The following RASSF5 variants were observed in gnomAD, a reference collection of about 807,000 sequenced individuals.
RASSF5 encodes ras association domain-containing protein 5.
In RASSF5, 25 loss-of-function variants were observed where a neutral mutation model predicts 40.5. The observed-to-expected ratio is 0.62, with a 90% CI of 0.45 to 0.86. RASSF5 has a LOEUF of 0.86. RASSF5 is among the 40% of genes least tolerant of loss of function. The pLI is 0.00. For missense variants in RASSF5, 521 were observed against 572.8 expected (o/e 0.91, Z 0.92); for synonymous variants, 246 against 252.4 (o/e 0.97, Z 0.24).
At chr1:206,559,135 G>A (rs1394967509) in intron 2 of RASSF5, among the ~76,000 whole-genome samples, 5 of 152,220 alleles carry the variant, frequency 3.3e-5, no homozygotes, top group Non-Finnish European at 4.4e-5. Context: ...CTGGGCATCA[G>A]GATTTTGAAA....
Position 206,587,232 on chromosome 1 carries a change from T to TC in RASSF5, c.*255dup. The stretch of plus-strand genomic sequence containing the variant: ...CATGTGAAACAAACAGCTGACGTCC[T>TC]CTCTCGATCTGCAAGCCTTTCACCA... On this transcript the variant is annotated 3_prime_UTR_variant, in exon 6 of 6. Transcript: ENST00000579436. 1 of 441,380 alleles carries TC rather than the reference T, an allele frequency of 2.3e-6. No homozygotes were observed. Among genetic ancestry groups the TC allele is most frequent in the Non-Finnish European group, 4.2e-6 (1 of 237,836 alleles). The allele number at this position is 441,380 out of a possible 1,614,324, so 27.3% of individuals were successfully genotyped here.
intron 1 of RASSF5, 97 bp downstream of exon 1, chr1:206,508,156 C>A: frequency 2.1e-6 from 2 of 961,378 alleles, no homozygotes; most frequent in Non-Finnish European, 2.8e-6. Context: ...GGCCATTACA[C>A]TCTTTGGCTC....
At chr1:206,553,925 T>G (rs1667915412) in intron 2 of RASSF5, among the ~76,000 whole-genome samples, 1 of 152,222 alleles carries the variant, frequency 6.6e-6, no homozygotes, top group Non-Finnish European at 1.5e-5. Flanking sequence ...GGCTCCACCA[T>G]TAACTAACAG....
intron 2 of RASSF5, among the ~76,000 whole-genome samples, chr1:206,549,146 G>A (rs550187436): frequency 4.5e-4 from 68 of 152,062 alleles, no homozygotes; most frequent in Admixed American, 7.9e-4. Flanking sequence ...GATTACAGGT[G>A]TGAGCCACCA....
At position 206,586,867 on chromosome 1, in the gene RASSF5, A is replaced by G. The variant is rs781868748; in HGVS notation, c.1146A>G (p.Thr382=). 2 of 1,614,174 alleles carry G rather than the reference A, an allele frequency of 1.2e-6. No individual in the cohort carries two copies. The highest frequency in any genetic ancestry group is 2.2e-5 in the South Asian group (2 of 91,084). The change falls in exon 6 of 6, where the codon ACA becomes ACG. Residue 382 remains threonine (T), a synonymous_variant. Transcript: ENST00000579436. ...FSIPELQNFL[T]ILEKEEQDKI... is the part of the protein sequence containing the mutation. ...TCCCTGAACTTCAGAACTTCCTAAC[A>G]ATCCTGGAAAAAGAGGAGCAGGACA... is the stretch of plus-strand genomic sequence containing the variant.
Position 206,531,584 on chromosome 1 carries a change from T to C in RASSF5, c.458-6588T>C, listed in dbSNP as rs939395918. 2.0e-5 allele frequency among the ~76,000 whole-genome samples: 3 copies of C among 152,080 alleles called. No homozygotes were observed. The highest frequency in any genetic ancestry group is 4.4e-5 in the Non-Finnish European group (3 of 67,980). ...TCTCTGGGTGTTCTTGGAGCTGCCATAGCTGGTCCAGCCCAGAGGCTCCAG... is the reference window on the plus strand; with the variant it reads ...TCTCTGGGTGTTCTTGGAGCTGCCACAGCTGGTCCAGCCCAGAGGCTCCAG... On this transcript the variant is annotated intron_variant, in intron 1 of 5. Coordinates refer to ENST00000579436, the MANE Select transcript of RASSF5 (RefSeq NM_182663.4). This position sits in a 1 kb window ranked among gnomAD's most constrained non-coding sequence, Gnocchi z 4.7.
At chr1:206,546,751 G>A (rs1241712905) in intron 2 of RASSF5, among the ~76,000 whole-genome samples, 1 of 152,124 alleles carries the variant, frequency 6.6e-6, no homozygotes, top group Admixed American at 6.5e-5. Flanking sequence ...CCTATAATTG[G>A]GCAAAATCAT....
At chr1:206,553,944 T>C (rs1272942451) in intron 2 of RASSF5, among the ~76,000 whole-genome samples, 1 of 152,232 alleles carries the variant, frequency 6.6e-6, no homozygotes, top group East Asian at 1.9e-4. Context: ...AGTGTGGATA[T>C]GTGCAAGTAA....
At chr1:206,581,384 G>A (rs1668867742) in intron 2 of RASSF5, among the ~76,000 whole-genome samples, 1 of 152,118 alleles carries the variant, frequency 6.6e-6, no homozygotes, top group Non-Finnish European at 1.5e-5. Flanking sequence ...GATCATTTGA[G>A]GTCAGGAGTT....
At chr1:206,550,021 C>T (rs1276541692) in intron 2 of RASSF5, among the ~76,000 whole-genome samples, 3 of 152,274 alleles carry the variant, frequency 2.0e-5, no homozygotes, top group East Asian at 1.9e-4. Flanking sequence ...CCTGTGAACT[C>T]GGGCTGCCTT....
intron 2 of RASSF5, among the ~76,000 whole-genome samples, chr1:206,573,588 A>G (rs782076942): frequency 9.2e-5 from 14 of 152,254 alleles, no homozygotes; most frequent in Non-Finnish European, 1.9e-4. Context: ...AGTATTGAGC[A>G]AGTATTTCCT....
intron 1 of RASSF5, among the ~76,000 whole-genome samples, chr1:206,521,862 GTC>G (rs1666918079): frequency 6.6e-6 from 1 of 152,174 alleles, no homozygotes. Context: ...CTGCTGCTTT[GTC>G]TCTCTTACAC....
rs1375506664 is a variant in RASSF5, at chr1:206,560,542, A to G, written c.579+22249A>G. Among the ~76,000 whole-genome samples the G allele has an allele frequency of 6.6e-6, 1 of 152,132 alleles. No individual in the cohort carries two copies. The highest frequency in any genetic ancestry group is 1.9e-4 in the East Asian group (1 of 5,194). ...GAGAGGGGCCGGGGACTTGGTTTTG[A>G]ATCATACCACAGTTTTAGGAGGCTG... is the stretch of plus-strand genomic sequence containing the variant. On this transcript the variant is annotated intron_variant, in intron 2 of 5. Transcript: ENST00000579436. This position sits in a 1 kb window ranked among gnomAD's most constrained non-coding sequence, Gnocchi z 5.1.
intron 1 of RASSF5, among the ~76,000 whole-genome samples, chr1:206,529,882 T>G (rs1416959947): frequency 6.6e-6 from 1 of 152,066 alleles, no homozygotes; most frequent in East Asian, 1.9e-4. Context: ...GTCACTGCAC[T>G]TCAGCCTGGG....
Position 206,538,042 on chromosome 1 carries a change from G to A in RASSF5, c.458-130G>A, listed in dbSNP as rs562947272. ...GGGTGGCATTCTCACGCTGTCTCCC[G>A]CCCCACCACTTCTCTCCTGCACTGC... On this transcript the variant is annotated intron_variant, in intron 1 of 5. Transcript: ENST00000579436. 628 of 1,309,736 alleles carry A rather than the reference G, an allele frequency of 4.8e-4. 6 individuals carry two copies. The South Asian group carries it at 7.2e-3, about 15-fold the overall frequency. The allele number at this position is 1,309,736 out of a possible 1,614,324, so 81.1% of individuals were successfully genotyped here. A position where few individuals can be genotyped will look rare whatever the true frequency, so the allele number is the denominator to read the frequency against.
In RASSF5 at chr1:206,588,471, G is replaced by C. The variant is rs1017275103; in HGVS notation, c.*1493G>C. 1 of 152,368 alleles carries C rather than the reference G, an allele frequency of 6.6e-6. No individual in the cohort carries two copies. Among genetic ancestry groups the C allele is most frequent in the African/African-American group, 2.4e-5 (1 of 41,456 alleles). 9.4% of individuals were successfully genotyped at this position (152,368 alleles called of 1,614,324 possible). A position where few individuals can be genotyped will look rare whatever the true frequency, so the allele number is the denominator to read the frequency against. On this transcript the variant is annotated 3_prime_UTR_variant, in exon 6 of 6. Transcript: ENST00000579436. ...CTCCAGTGCAGAGGGAGAAGGACTT[G>C]TAATTTTCAAAGCAGGGCTGGTTTT...
intron 2 of RASSF5, 118 bp downstream of exon 2, chr1:206,538,411 T>C: frequency 1.5e-6 from 2 of 1,349,366 alleles, no homozygotes; most frequent in East Asian, 4.6e-5. Context: ...AGATTCCACA[T>C]GCACTGGATG....
chr1:206,583,660 G>T, intron 3 of RASSF5: 1 of 401,464 alleles, frequency 2.5e-6, no homozygotes, highest in Non-Finnish European at 4.7e-6. Context: ...TGATTAAACG[G>T]TACGTAATGA....
At chr1:206,514,486 A>G (rs1052495427) in intron 1 of RASSF5, among the ~76,000 whole-genome samples, 11 of 152,296 alleles carry the variant, frequency 7.2e-5, no homozygotes, top group African/African-American at 2.6e-4. Context: ...TATGACACTT[A>G]CCTGTGACAG....
Sources: gnomAD v4.1 joint callset for allele counts (sites outside exome capture counted in the v4.1 genomes callset) on GRCh38, gnomAD v4.1.1 for gene constraint, Gnocchi (gnomAD v3.1) non-coding constraint, MANE v1.5 for transcripts, NCBI Gene and HGNC (gene_info 2026-07-23, HGNC 2026-07-21) for gene names.